Variants in MED13L observed in about 807,000 individuals in gnomAD.
The protein encoded by MED13L is mediator complex subunit 13L.
Under a neutral mutation model 220.9 loss-of-function variants are expected in MED13L, and 7 were observed. The ratio of observed to expected loss-of-function variants is 0.03; its 90% confidence interval spans 0.02 to 0.06. MED13L has a LOEUF of 0.06. Ranked by LOEUF, MED13L falls within the 10% of genes least tolerant of loss-of-function variation. MED13L has a pLI of 1.00. For missense variants in MED13L, 1,965 were observed against 2,760.5 expected, an observed-to-expected ratio of 0.71 and a Z score of 6.46; for synonymous variants, 1,011 against 1,015.2, an observed-to-expected ratio of 1.00 and a Z score of 0.08.
At chr12:116,040,691 T>C (rs777525752) in intron 4 of MED13L, among the ~76,000 whole-genome samples, 1 of 151,646 alleles carries the variant, frequency 6.6e-6, no homozygotes, top group Non-Finnish European at 1.5e-5. Context: ...CAATCCATTC[T>C]ACAATGGATA....
intron 2 of MED13L, among the ~76,000 whole-genome samples, chr12:116,168,886 AT>A (rs1879475838): frequency 6.6e-6 from 1 of 152,224 alleles, no homozygotes. Context: ...CTAATTAAAA[AT>A]TTAATATCTA....
intron 2 of MED13L, among the ~76,000 whole-genome samples, chr12:116,213,361 CT>C (rs1882820093): frequency 6.6e-6 from 1 of 152,024 alleles, no homozygotes; most frequent in South Asian, 2.1e-4. Context: ...AAAAATAATA[CT>C]ACTAAAATTA....
At chr12:116,264,097 C>G (rs1384956909) in intron 1 of MED13L, among the ~76,000 whole-genome samples, 1 of 152,120 alleles carries the variant, frequency 6.6e-6, no homozygotes, top group Non-Finnish European at 1.5e-5. Flanking sequence ...ACTGTTAACT[C>G]TTAGGCAGCA....
intron 29 of MED13L, among the ~76,000 whole-genome samples, chr12:115,964,643 TG>T (rs1197951413): frequency 6.6e-6 from 1 of 152,238 alleles, no homozygotes; most frequent in Non-Finnish European, 1.5e-5. Context: ...ATTCTATCAC[TG>T]TCATCATTTT....
intron 4 of MED13L, among the ~76,000 whole-genome samples, chr12:116,029,117 G>C (rs1895626): frequency 0.93 from 140,828 of 152,048 alleles, 65,248 homozygotes; most frequent in Admixed American, 0.95. Flanking sequence ...AGTATCATCA[G>C]TAAATAATCT....
chr12:116,022,722 T>C, intron 4 of MED13L, 121 bp from the exon 5 acceptor site: 1 of 1,072,188 alleles, frequency 9.3e-7, no homozygotes, highest in Non-Finnish European at 1.4e-6. Flanking sequence ...TGACTTCTAA[T>C]TGTGGGCAAA....
intron 1 of MED13L, chr12:116,276,308 T>TTG (rs372521434): frequency 0.13 from 28,623 of 224,246 alleles, 2,067 homozygotes; most frequent in Admixed American, 0.23. Flanking sequence ...CTTGTTGCTT[T>TTG]TGTGTGTGTG....
At chr12:116,243,599 G>A (rs953961799) in intron 1 of MED13L, among the ~76,000 whole-genome samples, 7 of 151,860 alleles carry the variant, frequency 4.6e-5, no homozygotes, top group South Asian at 2.1e-4. Context: ...TTATTTATTT[G>A]CAGTGACCCA....
intron 3 of MED13L, among the ~76,000 whole-genome samples, chr12:116,106,830 A>G (rs1173805018): frequency 5.3e-5 from 8 of 150,286 alleles, no homozygotes. Context: ...CAGGCAACGG[A>G]GCGAGACTCT....
Position 116,031,746 on chromosome 12 carries a change from AAAAGAAAAGAAAAG to A in MED13L, c.480-9159_480-9146del, listed in dbSNP as rs1566020811. On this transcript the variant is annotated intron_variant, in intron 4 of 30. Coordinates refer to ENST00000281928, the MANE Select transcript of MED13L (RefSeq NM_015335.5). ...AAAAGAAAAGAAAAGAAAAGAAAAG[AAAAGAAAAGAAAAG>A]AAGGAAGGAAGGAAGGAAGGAAGGA... Among the ~76,000 whole-genome samples, 6 of 49,862 alleles carry A rather than the reference AAAAGAAAAGAAAAG, an allele frequency of 1.2e-4. 1 individual carries two copies. The highest frequency in any genetic ancestry group is 2.7e-4 in the African/African-American group (2 of 7,308). 32.7% of individuals were successfully genotyped at this position (49,862 alleles called of 152,430 possible).
chr12:116,048,654 T>G (rs1437602604), intron 4 of MED13L, among the ~76,000 whole-genome samples: 1 of 147,762 alleles, frequency 6.8e-6, no homozygotes, highest in African/African-American at 2.5e-5. Flanking sequence ...TGAAATTTTG[T>G]TTTTTTTTTA....
At position 115,972,159 on chromosome 12, in the gene MED13L, T is replaced by A; in HGVS notation, c.5809A>T (p.Ile1937Phe). The A allele has an allele frequency of 6.2e-7, 1 of 1,614,004 alleles. No individual in the cohort carries two copies. The highest frequency in any genetic ancestry group is 8.5e-7 in the Non-Finnish European group (1 of 1,179,906). ...KLKDVCRMCGISAADSPSILS... is the reference protein window; with the variant it reads ...KLKDVCRMCGFSAADSPSILS... ...ATAGAAGGAGAGTCTGCGGCAGAGA[T>A]TCCACACATCCGGCACACATCCTTG... The change falls in exon 26 of 31, where the codon ATC becomes TTC. Residue 1937 changes from isoleucine to phenylalanine, a missense_variant. Around this residue, in one of 10 missense-constraint regions of MED13L, gnomAD observed 23 missense variants for 20.4 expected, o/e 1.12. Coordinates refer to ENST00000281928, the MANE Select transcript of MED13L (RefSeq NM_015335.5).
At position 115,960,110 on chromosome 12, in the gene MED13L, G is replaced by GTTT. The variant is rs1875667838; in HGVS notation, c.*1155_*1156insAAA. ...TTTTTTTAAAAAGTCCCACCACAAA[G>GTTT]GCTCAACTTCAAGTACTAATTTAAT... On this transcript the variant is annotated 3_prime_UTR_variant, in exon 31 of 31. Coordinates refer to ENST00000281928, the MANE Select transcript of MED13L (RefSeq NM_015335.5). 1 of 152,496 alleles carries GTTT rather than the reference G, an allele frequency of 6.6e-6. No individual in the cohort carries two copies. The highest frequency in any genetic ancestry group is 2.1e-4 in the South Asian group (1 of 4,820). 9.4% of individuals were successfully genotyped at this position (152,496 alleles called of 1,614,324 possible).
At chr12:116,164,613 CA>C (rs1879117829) in intron 2 of MED13L, among the ~76,000 whole-genome samples, 2 of 152,148 alleles carry the variant, frequency 1.3e-5, no homozygotes, top group East Asian at 3.9e-4. Context: ...AGGAAGAGGA[CA>C]CTAGTTTTCC....
chr12:116,201,294 T>C (rs1002164827), intron 2 of MED13L, among the ~76,000 whole-genome samples: 1 of 152,196 alleles, frequency 6.6e-6, no homozygotes, highest in African/African-American at 2.4e-5. Flanking sequence ...GCCTATGTAC[T>C]GTAATACCAT....
At chr12:116,030,268 T>C (rs1056984582) in intron 4 of MED13L, among the ~76,000 whole-genome samples, 3 of 152,166 alleles carry the variant, frequency 2.0e-5, no homozygotes, top group Admixed American at 6.5e-5. Flanking sequence ...GCAATTTAGT[T>C]AGAAATCAAC....
At chr12:116,220,602 G>T (rs1227513826) in intron 2 of MED13L, among the ~76,000 whole-genome samples, 1 of 152,222 alleles carries the variant, frequency 6.6e-6, no homozygotes, top group Non-Finnish European at 1.5e-5. Flanking sequence ...GGGAGGCTGA[G>T]GCAGGAGAAC....
rs1158069310 is a variant in MED13L, at chr12:116,120,477, TCACACACACACA to T, written c.311-8977_311-8966del. Among the ~76,000 whole-genome samples the T allele has an allele frequency of 2.4e-3, 188 of 79,464 alleles. 1 individual carries two copies. The highest frequency in any genetic ancestry group is 3.8e-3 in the Admixed American group (24 of 6,314). The allele number at this position is 79,464 out of a possible 152,430, so 52.1% of individuals were successfully genotyped here. On this transcript the variant is annotated intron_variant, in intron 2 of 30. Transcript: ENST00000281928. ...CTCTCTCTCTCTCTCTCTCTCTCTC[TCACACACACACA>T]CACACACACACACACACACACACAC...
intron 2 of MED13L, among the ~76,000 whole-genome samples, chr12:116,198,614 CCTGA>C (rs1377442109): frequency 2.6e-5 from 4 of 152,176 alleles, no homozygotes; most frequent in Middle Eastern, 3.2e-3. Flanking sequence ...AGCACTGCAT[CCTGA>C]CTATCAGTTA....
Sources: gnomAD v4.1 joint callset for allele counts (sites outside exome capture counted in the v4.1 genomes callset) on GRCh38, gnomAD v4.1.1 for gene constraint, gnomAD v4.1.1 regional missense constraint, MANE v1.5 for transcripts, NCBI Gene and HGNC (gene_info 2026-07-23, HGNC 2026-07-21) for gene names.